The following NUMB variants were observed in gnomAD, a reference collection of about 807,000 sequenced individuals.
The protein encoded by NUMB is NUMB endocytic adaptor protein, also known as protein numb homolog.
NUMB carries 29 observed loss-of-function variants against 59.7 expected under a neutral mutation model. The ratio of observed to expected loss-of-function variants is 0.49; its 90% CI spans 0.36 to 0.66. The LOEUF (loss-of-function observed/expected upper bound fraction) is 0.66. NUMB is among the 30% of genes least tolerant of loss of function. The probability of loss-of-function intolerance (pLI) is 0.00; values close to 1 mark genes in which losing one functional copy is unlikely to be tolerated. For missense variants in NUMB, 723 were observed against 822.0 expected (o/e 0.88, Z 1.47); for synonymous variants, 288 against 288.2 (o/e 1.00, Z 0.01).
rs201034518 is a variant in NUMB at position 73,280,159 on chromosome 14, AC to A, written c.1097-736del. The stretch of plus-strand genomic sequence containing the variant: ...GCAACAGAGTAAGACTCCATCTCAA[AC>A]AAAAAAAAATTACTCTTTGTTTCCT... On this transcript the variant is annotated intron_variant, in intron 11 of 12. Coordinates refer to ENST00000555238, the MANE Select transcript of NUMB (RefSeq NM_001005743.2). 3.8e-3 allele frequency among the ~76,000 whole-genome samples: 553 copies of A among 145,572 alleles called. 2 individuals carry two copies. The highest frequency in any genetic ancestry group is 4.8e-3 in the Admixed American group (72 of 14,868).
intron 12 of NUMB, 126 bp from the exon 13 acceptor site, chr14:73,277,419 T>C (rs1888250932): frequency 1.3e-6 from 1 of 777,378 alleles, no homozygotes; most frequent in South Asian, 1.9e-5. Flanking sequence ...ATTTTGTGGT[T>C]TTGATAGGTA....
intron 1 of NUMB, among the ~76,000 whole-genome samples, chr14:73,412,633 A>G (rs1490848833): frequency 3.7e-5 from 3 of 81,712 alleles, no homozygotes; most frequent in African/African-American, 1.6e-4. Flanking sequence ...GTCTCAAAAG[A>G]AAAAAAAAAA....
intron 6 of NUMB, among the ~76,000 whole-genome samples, chr14:73,304,973 G>T (rs1456995925): frequency 6.6e-6 from 1 of 151,834 alleles, no homozygotes. Flanking sequence ...CACCATGTTG[G>T]CCAGGCTGGT....
chr14:73,358,602 C>CTTTT (rs35552161), intron 3 of NUMB, among the ~76,000 whole-genome samples: 6 of 118,936 alleles, frequency 5.0e-5, no homozygotes, highest in East Asian at 2.3e-4. Flanking sequence ...GAAAGCTAGA[C>CTTTT]TTTTTTTTTT....
chr14:73,454,211 A>AT (rs200555991), intron 1 of NUMB, among the ~76,000 whole-genome samples: 9 of 151,866 alleles, frequency 5.9e-5, no homozygotes, highest in South Asian at 4.2e-4. Flanking sequence ...TAAAAGTTGA[A>AT]TTTTTTTTTA....
At chr14:73,363,003 AAAAT>A (rs1655904519) in intron 3 of NUMB, among the ~76,000 whole-genome samples, 1 of 151,196 alleles carries the variant, frequency 6.6e-6, no homozygotes, top group Non-Finnish European at 1.5e-5. Context: ...AGAAAAATTT[AAAAT>A]AAATAAAGCC....
intron 2 of NUMB, among the ~76,000 whole-genome samples, chr14:73,379,004 G>T (rs144416522): frequency 6.6e-6 from 1 of 152,110 alleles, no homozygotes; most frequent in African/African-American, 2.4e-5. Flanking sequence ...CAATTTTGCT[G>T]TGAACCTAAA....
At chr14:73,376,960 T>G (rs949766259) in intron 2 of NUMB, among the ~76,000 whole-genome samples, 27 of 152,190 alleles carry the variant, frequency 1.8e-4, no homozygotes, top group African/African-American at 6.3e-4. Flanking sequence ...AACACAATGG[T>G]GAAAAGACAG....
chr14:73,283,483 T>A (rs1486815837), intron 10 of NUMB, among the ~76,000 whole-genome samples: 1 of 152,214 alleles, frequency 6.6e-6, no homozygotes, highest in Non-Finnish European at 1.5e-5. Context: ...ATGACGAGGA[T>A]AGACCTATAG....
Position 73,323,367 on chromosome 14 carries a change from C to A in NUMB, c.127-163G>T, listed in dbSNP as rs1891503292. On this transcript the variant is annotated intron_variant, in intron 4 of 12. Coordinates refer to ENST00000555238, the MANE Select transcript of NUMB (RefSeq NM_001005743.2). ...TCAAGCATGTTGGATAAGAGACACA[C>A]AACCTGTATTGAAATTCCTACACTC... 2.1e-5 allele frequency: 11 copies of A among 516,770 alleles called. No individual in the cohort carries two copies. The East Asian group carries it at 3.6e-4, about 17-fold the overall frequency. The allele number at this position is 516,770 out of a possible 1,614,324, so 32.0% of individuals were successfully genotyped here. A position where few individuals can be genotyped will look rare whatever the true frequency, so the allele number is the denominator to read the frequency against.
intron 1 of NUMB, among the ~76,000 whole-genome samples, chr14:73,435,506 C>T (rs138052340): frequency 6.6e-6 from 1 of 151,314 alleles, no homozygotes; most frequent in East Asian, 2.0e-4. Flanking sequence ...GATCTCCTGA[C>T]CTCGTGATCT....
At chr14:73,303,361 C>A (rs1408459293) in intron 6 of NUMB, among the ~76,000 whole-genome samples, 1 of 152,180 alleles carries the variant, frequency 6.6e-6, no homozygotes, top group Non-Finnish European at 1.5e-5. Context: ...CAGTGGATCA[C>A]CTGAGGTCAG....
chr14:73,366,521 T>C (rs369356444), intron 3 of NUMB, among the ~76,000 whole-genome samples: 7 of 152,278 alleles, frequency 4.6e-5, no homozygotes, highest in South Asian at 4.1e-4. Flanking sequence ...ATTAAATCAT[T>C]CAATCTTTAC....
At chr14:73,333,467 A>G (rs66534540) in intron 4 of NUMB, among the ~76,000 whole-genome samples, 38,330 of 151,892 alleles carry the variant, frequency 0.25, 5,661 homozygotes, top group East Asian at 0.68. Flanking sequence ...CCTGGGCTCA[A>G]GCGATCCTGC....
At chr14:73,292,087 G>T (rs1202174736) in intron 8 of NUMB, among the ~76,000 whole-genome samples, 1 of 152,128 alleles carries the variant, frequency 6.6e-6, no homozygotes, top group Non-Finnish European at 1.5e-5. Flanking sequence ...CACCCAGGCT[G>T]GAGTGTAATG....
chr14:73,390,638 C>CTTTTTTTTTTTTTTT lies in NUMB; in HGVS notation c.-101+19284_-101+19298dup, dbSNP rs55831976. On this transcript the variant is annotated intron_variant, in intron 2 of 12. Transcript: ENST00000555238. ...ATTTCCTTGAGGACAAAAACAAAGT[C>CTTTTTTTTTTTTTTT]TTTTTTTTTTTTTTTTTTTTTTTTT... Among the ~76,000 whole-genome samples the CTTTTTTTTTTTTTTT allele has an allele frequency of 6.6e-4, 26 of 39,410 alleles. 4 individuals are homozygous for CTTTTTTTTTTTTTTT. The highest frequency in any genetic ancestry group is 1.0e-3 in the Non-Finnish European group (22 of 21,178). 25.9% of individuals were successfully genotyped at this position (39,410 alleles called of 152,430 possible). A position where few individuals can be genotyped will look rare whatever the true frequency, so the allele number is the denominator to read the frequency against.
chr14:73,387,883 G>A (rs1594976923), intron 2 of NUMB, among the ~76,000 whole-genome samples: 1 of 151,292 alleles, frequency 6.6e-6, no homozygotes, highest in East Asian at 1.9e-4. Flanking sequence ...CTAGGACTTT[G>A]GGAGGCAGGA....
At position 73,308,838 on chromosome 14, in the gene NUMB, T is replaced by C. The variant is rs753032966; in HGVS notation, c.234+7552A>G. 2.6e-5 allele frequency among the ~76,000 whole-genome samples: 4 copies of C among 152,134 alleles called. 1 individual carries two copies. The highest frequency in any genetic ancestry group is 2.6e-4 in the Admixed American group (4 of 15,268). On this transcript the variant is annotated intron_variant, in intron 6 of 12. Coordinates refer to ENST00000555238, the MANE Select transcript of NUMB (RefSeq NM_001005743.2). The stretch of plus-strand genomic sequence containing the variant: ...TCAAAGGGGAGTGAGAGATGGGCTA[T>C]GTGAATTGCTGCTGATAGTCTGAGT...
At chr14:73,293,937 C>T (rs941483741) in intron 7 of NUMB, among the ~76,000 whole-genome samples, 3 of 152,176 alleles carry the variant, frequency 2.0e-5, no homozygotes, top group South Asian at 2.1e-4. Flanking sequence ...ATAGTGAAGG[C>T]GGGCATTTAA....
Sources: gnomAD v4.1 joint callset for allele counts (sites outside exome capture counted in the v4.1 genomes callset) on GRCh38, gnomAD v4.1.1 for gene constraint, MANE v1.5 for transcripts, NCBI Gene and HGNC (gene_info 2026-07-23, HGNC 2026-07-21) for gene names.